Variants in SLC25A13 observed in about 807,000 individuals in gnomAD.
SLC25A13 encodes the protein solute carrier family 25 member 13.
Under a neutral mutation model 85.5 loss-of-function variants are expected in SLC25A13, and 70 were observed. The observed-to-expected ratio is 0.82, with a 90% confidence interval of 0.68 to 1.00. The LOEUF (loss-of-function observed/expected upper bound fraction) is 1.00. Ranked by LOEUF, SLC25A13 falls within the 50% of genes least tolerant of loss-of-function variation. The pLI, the probability that SLC25A13 is intolerant of heterozygous loss-of-function variation, is 0.00. For missense variants in SLC25A13, 765 were observed against 819.8 expected (o/e 0.93, Z 0.82); for synonymous variants, 259 against 288.7 (o/e 0.90, Z 1.04).
At chr7:96,173,658 TC>T (rs1245147957) in intron 11 of SLC25A13, among the ~76,000 whole-genome samples, 1 of 152,208 alleles carries the variant, frequency 6.6e-6, no homozygotes, top group Non-Finnish European at 1.5e-5. Context: ...CAAGCAATCC[TC>T]CTGCCTAGGC....
chr7:96,229,910 A>C (rs1452609226), intron 4 of SLC25A13, among the ~76,000 whole-genome samples: 1 of 152,176 alleles, frequency 6.6e-6, no homozygotes, highest in African/African-American at 2.4e-5. Flanking sequence ...CCAAGAACCC[A>C]CCAATTCCAG....
intron 13 of SLC25A13, 90 bp downstream of exon 13, chr7:96,169,955 C>T: frequency 7.5e-7 from 1 of 1,326,772 alleles, no homozygotes; most frequent in Non-Finnish European, 1.1e-6. Context: ...TGTGGTTAAA[C>T]AGAAGCCTTA....
chr7:96,261,142 T>C (rs995873340), intron 3 of SLC25A13, among the ~76,000 whole-genome samples: 3 of 152,116 alleles, frequency 2.0e-5, no homozygotes, highest in South Asian at 2.1e-4. Context: ...CTCCCATGGC[T>C]TACTCCTTCA....
At chr7:96,218,358 C>T (rs1795977489) in intron 4 of SLC25A13, among the ~76,000 whole-genome samples, 1 of 152,072 alleles carries the variant, frequency 6.6e-6, no homozygotes, top group Admixed American at 6.5e-5. Flanking sequence ...GATTAAGAAC[C>T]TCCACTCTTT....
chr7:96,310,143 G>A (rs1382402128), intron 1 of SLC25A13, among the ~76,000 whole-genome samples: 3 of 152,170 alleles, frequency 2.0e-5, no homozygotes, highest in East Asian at 1.9e-4. Context: ...ACTTTGTTAT[G>A]GCAGCCCTAG....
chr7:96,121,025 T>G lies in SLC25A13; in HGVS notation c.*166A>C, dbSNP rs538940266. The G allele has an allele frequency of 3.3e-5, 27 of 813,308 alleles. No individual in the cohort carries two copies. The South Asian group carries it at 3.9e-4, about 12-fold the overall frequency. 50.4% of individuals were successfully genotyped at this position (813,308 alleles called of 1,614,324 possible). On this transcript the variant is annotated 3_prime_UTR_variant, in exon 18 of 18. Transcript: ENST00000265631. ...ATGAATAATTTCACAATGATCTGGTTAAGAAAACACCCAGAAAATGAATGA... is the reference window on the plus strand; with the variant it reads ...ATGAATAATTTCACAATGATCTGGTGAAGAAAACACCCAGAAAATGAATGA...
At chr7:96,234,526 T>C (rs79062087) in intron 4 of SLC25A13, among the ~76,000 whole-genome samples, 1 of 152,266 alleles carries the variant, frequency 6.6e-6, no homozygotes, top group African/African-American at 2.4e-5. Flanking sequence ...TGTCTGGCTC[T>C]CACATGCTAT....
At chr7:96,252,955 A>G (rs1358277496) in intron 3 of SLC25A13, among the ~76,000 whole-genome samples, 1 of 152,108 alleles carries the variant, frequency 6.6e-6, no homozygotes, top group African/African-American at 2.4e-5. Flanking sequence ...TTATCTGGGC[A>G]TGGTGCCATG....
intron 12 of SLC25A13, among the ~76,000 whole-genome samples, 156 bp downstream of exon 12, chr7:96,171,316 G>A (rs532744085): frequency 6.6e-6 from 1 of 152,158 alleles, no homozygotes; most frequent in Non-Finnish European, 1.5e-5. Flanking sequence ...CTGCTAAATG[G>A]AGAATAATGA....
chr7:96,226,702 G>A (rs1303762917), intron 4 of SLC25A13, among the ~76,000 whole-genome samples: 3 of 151,938 alleles, frequency 2.0e-5, no homozygotes, highest in African/African-American at 4.8e-5. Flanking sequence ...GTTGACATTC[G>A]AAACACTAAG....
intron 1 of SLC25A13, among the ~76,000 whole-genome samples, chr7:96,319,076 G>C (rs1288068731): frequency 6.6e-6 from 1 of 152,192 alleles, no homozygotes; most frequent in Non-Finnish European, 1.5e-5. Flanking sequence ...AGTTCAATAA[G>C]GGACATTCTT....
At chr7:96,156,783 G>T (rs1793285101) in intron 13 of SLC25A13, among the ~76,000 whole-genome samples, 1 of 152,014 alleles carries the variant, frequency 6.6e-6, no homozygotes, top group South Asian at 2.1e-4. Flanking sequence ...CTGACCTCAA[G>T]TGATCCACCT....
chr7:96,224,281 T>C (rs747005292), intron 4 of SLC25A13, among the ~76,000 whole-genome samples: 4 of 152,130 alleles, frequency 2.6e-5, no homozygotes, highest in Admixed American at 1.3e-4. Context: ...GCAAAAATCA[T>C]CTCTTCCAAG....
intron 3 of SLC25A13, among the ~76,000 whole-genome samples, chr7:96,264,933 T>C (rs1260801013): frequency 7.2e-5 from 11 of 152,222 alleles, no homozygotes; most frequent in Non-Finnish European, 1.3e-4. Context: ...CTGACTTTAA[T>C]GGAAAACAGC....
At chr7:96,198,689 C>G (rs1237196097) in intron 5 of SLC25A13, among the ~76,000 whole-genome samples, 1 of 152,194 alleles carries the variant, frequency 6.6e-6, no homozygotes, top group East Asian at 1.9e-4. Flanking sequence ...CTAACTTATG[C>G]TGCCTCAGGC....
intron 14 of SLC25A13, among the ~76,000 whole-genome samples, chr7:96,145,018 A>G (rs1459984552): frequency 6.6e-6 from 1 of 152,192 alleles, no homozygotes; most frequent in Non-Finnish European, 1.5e-5. Context: ...ATTTTTCTTC[A>G]AATTGATCAA....
intron 4 of SLC25A13, among the ~76,000 whole-genome samples, chr7:96,215,877 AG>A (rs1179220885): frequency 6.6e-6 from 1 of 152,138 alleles, no homozygotes; most frequent in African/African-American, 2.4e-5. Context: ...TAAAATGGCC[AG>A]GCACGGTGGC....
At chr7:96,164,742 ACAC>A (rs1793674978) in intron 13 of SLC25A13, among the ~76,000 whole-genome samples, 1 of 152,018 alleles carries the variant, frequency 6.6e-6, no homozygotes, top group Non-Finnish European at 1.5e-5. Context: ...ACACACACAC[ACAC>A]AAAAGAAGCA....
chr7:96,300,606 G>A (rs999845640), intron 1 of SLC25A13, among the ~76,000 whole-genome samples: 4 of 152,102 alleles, frequency 2.6e-5, no homozygotes, highest in Non-Finnish European at 4.4e-5. Context: ...GAAACTCATG[G>A]GTCTTCAAAC....
Sources: gnomAD v4.1 joint callset for allele counts (sites outside exome capture counted in the v4.1 genomes callset) on GRCh38, gnomAD v4.1.1 for gene constraint, MANE v1.5 for transcripts, NCBI Gene and HGNC (gene_info 2026-07-23, HGNC 2026-07-21) for gene names.